The following FUZ variants were observed in gnomAD, a reference collection of about 807,000 sequenced individuals.
The protein encoded by FUZ is protein fuzzy homolog.
In FUZ, 31 loss-of-function variants were observed where a neutral mutation model predicts 43.1. The observed-to-expected ratio is 0.72, with a 90% CI of 0.54 to 0.97. The LOEUF (loss-of-function observed/expected upper bound fraction) is 0.97. Ranked by LOEUF, FUZ falls within the 50% of genes least tolerant of loss-of-function variation. FUZ has a pLI of 0.00. For missense variants in FUZ, 539 were observed against 543.8 expected (o/e 0.99, Z 0.09); for synonymous variants, 274 against 250.0 (o/e 1.10, Z -0.91).
intron 3 of FUZ, among the ~76,000 whole-genome samples, chr19:49,811,979 G>A (rs1045149760): frequency 2.0e-5 from 3 of 152,186 alleles, no homozygotes; most frequent in Non-Finnish European, 4.4e-5. Context: ...ATGGTGGCAC[G>A]TGCCTGTAAT....
chr19:49,811,802 G>T lies in FUZ; in HGVS notation c.319-103C>A. On this transcript the variant is annotated intron_variant, in intron 3 of 10. Transcript: ENST00000313777. ...ACTCCCACTTCTGGGTCTGGGGACT[G>T]GGGAGTCAAGATTCCTGGGTTCTGG... is the stretch of plus-strand genomic sequence containing the variant. 6.1e-6 allele frequency: 6 copies of T among 984,154 alleles called. No homozygotes were observed. The South Asian group carries it at 6.4e-5, about 10-fold the overall frequency. The allele number at this position is 984,154 out of a possible 1,614,324, so 61.0% of individuals were successfully genotyped here. A position where few individuals can be genotyped will look rare whatever the true frequency, so the allele number is the denominator to read the frequency against.
At chr19:49,812,973 G>C in intron 1 of FUZ, 23 bp downstream of exon 1, 2 of 1,540,420 alleles carry the variant, frequency 1.3e-6, no homozygotes, top group Non-Finnish European at 1.8e-6. Flanking sequence ...CTTCGGTTTA[G>C]ATACAGGCGT....
chr19:49,808,759 C>G lies in FUZ; in HGVS notation c.851G>C (p.Arg284Pro), dbSNP rs368721486. ...AAGGGGGAAGCCACTGGGCAGCGCCCGGGGTCCCAACGGCAGACAGGCCCG... is the reference window on the plus strand; with the variant it reads ...AAGGGGGAAGCCACTGGGCAGCGCCGGGGGTCCCAACGGCAGACAGGCCCG... ...PLRACLPLGP[R>P]ALPSGFPLHT... The change falls in exon 8 of 11, where the codon CGG becomes CCG. Residue 284 changes from arginine to proline, a missense_variant. By Grantham distance (103) the Arg-to-Pro change is moderately radical. Transcript: ENST00000313777. 1.9e-6 allele frequency: 3 copies of G among 1,577,126 alleles called. No individual in the cohort carries two copies. Among genetic ancestry groups the G allele is most frequent in the Middle Eastern group, 1.7e-4 (1 of 6,020 alleles).
At chr19:49,810,734 C>G (rs1182510522) in intron 5 of FUZ, among the ~76,000 whole-genome samples, 1 of 150,286 alleles carries the variant, frequency 6.7e-6, no homozygotes, top group Non-Finnish European at 1.5e-5. Flanking sequence ...CCTATAGTGT[C>G]AGCTACTGGG....
intron 10 of FUZ, chr19:49,808,185 T>G (rs1009945322): frequency 2.8e-5 from 17 of 611,186 alleles, no homozygotes; most frequent in Non-Finnish European, 4.4e-5. Context: ...GTCTCAGTGT[T>G]AACTATTGTT....
intron 9 of FUZ, 38 bp downstream of exon 9, chr19:49,808,536 C>G (rs770336749): frequency 6.3e-7 from 1 of 1,592,656 alleles, no homozygotes; most frequent in Non-Finnish European, 8.5e-7. Flanking sequence ...CCGGCCCACG[C>G]CCCTCCTACC....
In FUZ at chr19:49,808,361, C is replaced by T. The variant is rs909232091; in HGVS notation, c.1033+53G>A. ...ACCTCCTACTCCCATTTTGTGCGAC[C>T]TGGGACTCAGTGTCCCCGCCTGCGC... On this transcript the variant is annotated intron_variant, in intron 10 of 10. Coordinates refer to ENST00000313777, the MANE Select transcript of FUZ (RefSeq NM_025129.5). 3.8e-6 allele frequency: 6 copies of T among 1,566,574 alleles called. 1 individual carries two copies. Among genetic ancestry groups the T allele is most frequent in the Admixed American group, 3.6e-5 (2 of 54,950 alleles).
In FUZ at chr19:49,808,562, GT is replaced by G. The variant is rs1257073956; in HGVS notation, c.958+11del. On this transcript the variant is annotated intron_variant, in intron 9 of 10. Coordinates refer to ENST00000313777, the MANE Select transcript of FUZ (RefSeq NM_025129.5). ...CCCTCCTACCCCTGCCCCTGCCCCTGTCCTCAGTCACCTTTATCCCCCAAGG... is the reference window on the plus strand; with the variant it reads ...CCCTCCTACCCCTGCCCCTGCCCCTGCCTCAGTCACCTTTATCCCCCAAGG... 15 of 1,603,972 alleles carry G rather than the reference GT, an allele frequency of 9.4e-6. No homozygotes were observed. Among genetic ancestry groups the G allele is most frequent in the Non-Finnish European group, 1.3e-5 (15 of 1,175,496 alleles).
At position 49,812,999 on chromosome 19, in the gene FUZ, C is replaced by T. The variant is rs1568611640; in HGVS notation, c.108G>A (p.Gln36=). 1.2e-5 allele frequency: 18 copies of T among 1,550,584 alleles called. No individual in the cohort carries two copies. The highest frequency in any genetic ancestry group is 1.4e-5 in the Non-Finnish European group (16 of 1,146,664). Residue 36 remains glutamine (Q), a synonymous_variant, in exon 1 of 11, where the codon CAG becomes CAA. Transcript: ENST00000313777. Reference sequence around the variant, plus strand: ...ATACAGGCGTCCAAGGCCCCACCTGCTGACGGGCGGGGGCGCCGCCGCGAC... The same window carrying T: ...ATACAGGCGTCCAAGGCCCCACCTGTTGACGGGCGGGGGCGCCGCCGCGAC... ...RSSRGGAPAR[Q]QLPFSVIGSL... is the part of the protein sequence containing the mutation.
chr19:49,811,754 G>T (rs2073806529), intron 3 of FUZ, 55 bp from the exon 4 acceptor site: 1 of 1,418,028 alleles, frequency 7.1e-7, no homozygotes, highest in Non-Finnish European at 1.0e-6. Flanking sequence ...GAACTCCTGG[G>T]TCTGAAGGAA....
rs1190493413 is a variant in FUZ, at chr19:49,808,715, A to T, written c.893+2T>A. On this transcript the variant is annotated splice_donor_variant, in intron 8 of 10. Coordinates refer to ENST00000313777, the MANE Select transcript of FUZ (RefSeq NM_025129.5). LOFTEE classifies it high-confidence loss of function. Reference sequence around the variant, plus strand: ...GACCCACTCCCTCCATCCGAGCCCTACCCGAGGATGTCTGTGTGAAGGGGG... The same window carrying T: ...GACCCACTCCCTCCATCCGAGCCCTTCCCGAGGATGTCTGTGTGAAGGGGG... 1 of 1,593,600 alleles carries T rather than the reference A, an allele frequency of 6.3e-7. No individual in the cohort carries two copies. Among genetic ancestry groups the T allele is most frequent in the East Asian group, 2.3e-5 (1 of 43,916 alleles).
In FUZ at chr19:49,811,479, A is replaced by C; in HGVS notation, c.388-12T>G. The C allele has an allele frequency of 6.2e-7, 1 of 1,611,120 alleles. No individual in the cohort carries two copies. The highest frequency in any genetic ancestry group is 8.5e-7 in the Non-Finnish European group (1 of 1,177,238). ...AGGCAATAACTGGCCTAGGAGAGGA[A>C]GAAGGGACCAGCCTAGGATTCAAGT... On this transcript the variant is annotated splice_polypyrimidine_tract_variant and intron_variant, in intron 4 of 10. Transcript: ENST00000313777.
chr19:49,811,268 G>C (rs959421371), intron 5 of FUZ, 95 bp downstream of exon 5: 5 of 807,508 alleles, frequency 6.2e-6, no homozygotes, highest in Non-Finnish European at 1.1e-5. Context: ...TGAGAGGATA[G>C]GAGGAGGTTG....
chr19:49,807,057 C>G lies in FUZ; in HGVS notation c.*94G>C. The G allele has an allele frequency of 6.4e-7, 1 of 1,573,280 alleles. No individual in the cohort carries two copies. The highest frequency in any genetic ancestry group is 1.4e-5 in the African/African-American group (1 of 73,474). Reference sequence around the variant, plus strand: ...CCACCCTGTTGTAGCCCCTCCTACCCCCTCCCCATCCAGGGGCTGTGTATT... The same window carrying G: ...CCACCCTGTTGTAGCCCCTCCTACCGCCTCCCCATCCAGGGGCTGTGTATT... On this transcript the variant is annotated 3_prime_UTR_variant, in exon 11 of 11. Coordinates refer to ENST00000313777, the MANE Select transcript of FUZ (RefSeq NM_025129.5).
chr19:49,807,387 CAG>C lies in FUZ; in HGVS notation c.1034-15_1034-14del, dbSNP rs778730376. 8.7e-6 allele frequency: 14 copies of C among 1,605,820 alleles called. No homozygotes were observed. Among genetic ancestry groups the C allele is most frequent in the African/African-American group, 4.0e-5 (3 of 74,654 alleles). On this transcript the variant is annotated splice_polypyrimidine_tract_variant and intron_variant, in intron 10 of 10. Coordinates refer to ENST00000313777, the MANE Select transcript of FUZ (RefSeq NM_025129.5). ...GGTGGCCCTGGCTCTGGAGAAAGAA[CAG>C]GGGGCACTGACATGACAAGTAGCAT... is the stretch of plus-strand genomic sequence containing the variant.
At chr19:49,811,250 C>T in intron 5 of FUZ, 113 bp downstream of exon 5, 1 of 742,644 alleles carries the variant, frequency 1.3e-6, no homozygotes. Flanking sequence ...GGGGATAGGA[C>T]TGGAAGCTGA....
At chr19:49,808,919 G>C (rs2123801033) in intron 7 of FUZ, 96 bp from the exon 8 acceptor site, 5 of 1,020,222 alleles carry the variant, frequency 4.9e-6, no homozygotes, top group Middle Eastern at 5.8e-4. Flanking sequence ...GGTCAATCGG[G>C]AGGGGCGGGG....
At chr19:49,810,357 T>C (rs535623255) in intron 5 of FUZ, among the ~76,000 whole-genome samples, 6 of 149,468 alleles carry the variant, frequency 4.0e-5, no homozygotes, top group Admixed American at 1.3e-4. Flanking sequence ...TCCCCAACCC[T>C]AGTCCATCTC....
Position 49,809,836 on chromosome 19 carries a change from C to G in FUZ, c.493-261G>C. On this transcript the variant is annotated intron_variant, in intron 5 of 10. Transcript: ENST00000313777. The surrounding 1 kb of genome is among the most constrained non-coding windows in gnomAD (Gnocchi z 5.1). ...GGCAAACTGAAGCTAATAATGTAAC[C>G]GCAGCAGCTACCGTTCATCCAGGCC... 1 of 567,626 alleles carries G rather than the reference C, an allele frequency of 1.8e-6. No homozygotes were observed. The highest frequency in any genetic ancestry group is 3.2e-6 in the Non-Finnish European group (1 of 315,056). The allele number at this position is 567,626 out of a possible 1,614,324, so 35.2% of individuals were successfully genotyped here. A position where few individuals can be genotyped will look rare whatever the true frequency, so the allele number is the denominator to read the frequency against.
Sources: gnomAD v4.1 joint callset for allele counts (sites outside exome capture counted in the v4.1 genomes callset) on GRCh38, gnomAD v4.1.1 for gene constraint, Gnocchi (gnomAD v3.1) non-coding constraint, MANE v1.5 for transcripts, NCBI Gene and HGNC (gene_info 2026-07-23, HGNC 2026-07-21) for gene names.